SUMF1: variants seen among roughly 807,000 people sequenced by gnomAD.
SUMF1 encodes the protein formylglycine-generating enzyme.
A neutral mutation model predicts 47.6 loss-of-function variants in SUMF1; 48 were observed. That is an observed-to-expected ratio of 1.01 (90% CI 0.80 to 1.28). The LOEUF (loss-of-function observed/expected upper bound fraction) is 1.28. Ranked by LOEUF, SUMF1 falls within the 50% of genes most tolerant of loss-of-function variation. The pLI is 0.00. For missense variants in SUMF1, 571 were observed against 485.4 expected (o/e 1.18, Z -1.66); for synonymous variants, 230 against 192.1 (o/e 1.20, Z -1.63).
chr3:4,200,658 G>A (rs1401038475), intron 8 of SUMF1, among the ~76,000 whole-genome samples: 2 of 152,090 alleles, frequency 1.3e-5, no homozygotes, highest in Non-Finnish European at 1.5e-5. Flanking sequence ...CCTATCATGG[G>A]AGTTCTCAGC....
At chr3:4,148,035 A>T (rs60392560) in intron 8 of SUMF1, among the ~76,000 whole-genome samples, 7,605 of 152,176 alleles carry the variant, frequency 0.05, 529 homozygotes, top group East Asian at 0.18. Context: ...GGCACATTTT[A>T]AAAAAATGAA....
intron 8 of SUMF1, among the ~76,000 whole-genome samples, chr3:4,327,872 T>C (rs1248554152): frequency 2.6e-5 from 4 of 152,160 alleles, no homozygotes; most frequent in Non-Finnish European, 5.9e-5. Flanking sequence ...GGTACACAGG[T>C]CACTGTAAAA....
At chr3:4,340,246 G>C (rs1337212785) in intron 8 of SUMF1, among the ~76,000 whole-genome samples, 2 of 151,952 alleles carry the variant, frequency 1.3e-5, no homozygotes, top group Non-Finnish European at 2.9e-5. Context: ...GCTGAATCCG[G>C]GACCACACTT....
At chr3:4,345,373 C>G (rs184667315) in intron 8 of SUMF1, among the ~76,000 whole-genome samples, 85 of 152,232 alleles carry the variant, frequency 5.6e-4, no homozygotes, top group Non-Finnish European at 1.0e-3. Flanking sequence ...CAGTGGGGGC[C>G]AATATTCAAC....
intron 8 of SUMF1, among the ~76,000 whole-genome samples, chr3:4,137,914 T>TAC (rs61300596): frequency 0.011 from 1,557 of 142,100 alleles, 19 homozygotes; most frequent in Middle Eastern, 0.035. Flanking sequence ...ACACTAATAA[T>TAC]ACACACACAC....
At chr3:4,062,512 TAAG>T (rs1239648644) in intron 9 of SUMF1, among the ~76,000 whole-genome samples, 3 of 152,124 alleles carry the variant, frequency 2.0e-5, no homozygotes, top group East Asian at 3.9e-4. Flanking sequence ...GACAGGATAG[TAAG>T]AAGAATTTAC....
chr3:4,096,293 T>C (rs1452015125), intron 8 of SUMF1, among the ~76,000 whole-genome samples: 1 of 152,138 alleles, frequency 6.6e-6, no homozygotes. Flanking sequence ...ACAAGGACCC[T>C]AATTCCATAT....
chr3:4,388,934 A>G (rs1478748020), intron 7 of SUMF1, among the ~76,000 whole-genome samples: 3 of 152,100 alleles, frequency 2.0e-5, no homozygotes, highest in African/African-American at 7.2e-5. Flanking sequence ...TTTCCTTTAA[A>G]TACATTTAGA....
chr3:4,140,281 T>C (rs1694042398), intron 8 of SUMF1, among the ~76,000 whole-genome samples: 1 of 152,088 alleles, frequency 6.6e-6, no homozygotes, highest in South Asian at 2.1e-4. Context: ...AGGGATCTTA[T>C]TTATACATCA....
chr3:4,271,696 C>T lies in SUMF1; in HGVS notation c.1014+104634G>A, dbSNP rs955785836. ...AATTTTATTTTGTAGAGACAGGGGT[C>T]TCACTCTGTTGCCCAGGCTACTCTC... On this transcript the variant is annotated intron_variant and NMD_transcript_variant, in intron 8 of 12. Transcript: ENST00000448413. Among the ~76,000 whole-genome samples, 4 of 152,234 alleles carry T rather than the reference C, an allele frequency of 2.6e-5. No homozygotes were observed. In the East Asian group the frequency reaches 7.7e-4, roughly 29 times the overall value.
chr3:4,087,638 G>A (rs528958974), intron 8 of SUMF1, among the ~76,000 whole-genome samples: 1 of 151,992 alleles, frequency 6.6e-6, no homozygotes, highest in Non-Finnish European at 1.5e-5. Context: ...AAGACAGTAG[G>A]AGAAATGGCC....
intron 9 of SUMF1, among the ~76,000 whole-genome samples, chr3:4,038,550 T>A (rs538510279): frequency 6.6e-6 from 1 of 152,014 alleles, no homozygotes. Context: ...TGTTCAGCCA[T>A]TGGGGTGGGG....
intron 7 of SUMF1, among the ~76,000 whole-genome samples, chr3:4,383,685 G>A (rs1319817144): frequency 1.3e-5 from 2 of 152,156 alleles, no homozygotes; most frequent in Admixed American, 1.3e-4. Context: ...AGTCTCCTAA[G>A]CTCAGGATTC....
In SUMF1 at chr3:4,250,326, G is replaced by A. The variant is rs116014677; in HGVS notation, c.1014+126004C>T. 1.8e-3 allele frequency among the ~76,000 whole-genome samples: 270 copies of A among 150,984 alleles called. 2 individuals are homozygous for A. Among genetic ancestry groups the A allele is most frequent in the African/African-American group, 6.4e-3 (262 of 41,068 alleles). On this transcript the variant is annotated intron_variant and NMD_transcript_variant, in intron 8 of 12. Coordinates refer to the SUMF1 transcript ENST00000448413. The stretch of plus-strand genomic sequence containing the variant: ...AGGGAAGGAGGGAGAGAAGAAGGGA[G>A]GGAGGGAAGGAAGGGAAGGGAAAGA...
At chr3:4,165,510 G>C (rs530954356) in intron 8 of SUMF1, among the ~76,000 whole-genome samples, 2 of 152,094 alleles carry the variant, frequency 1.3e-5, no homozygotes, top group African/African-American at 4.8e-5. Context: ...TAAGCTGAGA[G>C]GTCCTCCTGT....
chr3:4,254,178 A>G (rs1696886294), intron 8 of SUMF1, among the ~76,000 whole-genome samples: 1 of 152,074 alleles, frequency 6.6e-6, no homozygotes, highest in Non-Finnish European at 1.5e-5. Flanking sequence ...CAGAACAGAA[A>G]AACTGGAAAC....
downstream of SUMF1, among the ~76,000 whole-genome samples, chr3:4,360,797 G>C (rs1383272647): frequency 6.6e-6 from 1 of 152,238 alleles, no homozygotes; most frequent in Non-Finnish European, 1.5e-5. Flanking sequence ...GAGGAATCAG[G>C]ATGGGAACTT....
chr3:4,055,460 T>C (rs1307339385), intron 9 of SUMF1, among the ~76,000 whole-genome samples: 1 of 152,088 alleles, frequency 6.6e-6, no homozygotes, highest in Admixed American at 6.6e-5. Flanking sequence ...ACAAATTTAG[T>C]ATCTGTTAAA....
At chr3:4,377,748 A>C (rs1216749913) in intron 7 of SUMF1, among the ~76,000 whole-genome samples, 1 of 152,214 alleles carries the variant, frequency 6.6e-6, no homozygotes, top group Non-Finnish European at 1.5e-5. Context: ...AGAGGTACCA[A>C]TAAATAGGCT....
Sources: gnomAD v4.1 joint callset for allele counts (sites outside exome capture counted in the v4.1 genomes callset) on GRCh38, gnomAD v4.1.1 for gene constraint, MANE v1.5 for transcripts, NCBI Gene and HGNC (gene_info 2026-07-23, HGNC 2026-07-21) for gene names.